Variants in NDUFAF6 observed in about 807,000 individuals in gnomAD.
The protein encoded by NDUFAF6 is NADH dehydrogenase (ubiquinone) complex I, assembly factor 6.
A neutral mutation model predicts 40.8 loss-of-function variants in NDUFAF6; 45 were observed. The ratio of observed to expected loss-of-function variants is 1.10; its 90% CI spans 0.87 to 1.42. NDUFAF6 has a LOEUF of 1.42. Among genes scored for constraint, NDUFAF6 ranks in the 40% most tolerant of loss-of-function variants. The pLI is 0.00. For synonymous variants in NDUFAF6, 185 were observed against 155.9 expected (o/e 1.19, Z -1.39); for missense variants, 435 against 418.5 (o/e 1.04, Z -0.34).
At chr8:94,897,021 A>G (rs1343393651) in intron 1 of NDUFAF6, among the ~76,000 whole-genome samples, 1 of 152,168 alleles carries the variant, frequency 6.6e-6, no homozygotes, top group Non-Finnish European at 1.5e-5. Context: ...GCAGTCACTC[A>G]AAACGCAGTT....
At chr8:94,909,373 A>G (rs1332412285) in intron 1 of NDUFAF6, among the ~76,000 whole-genome samples, 1 of 78,686 alleles carries the variant, frequency 1.3e-5, no homozygotes, top group Admixed American at 1.3e-4. Context: ...AAAAAAAAAA[A>G]AAAAAAAAAC....
rs190377430 is a variant in NDUFAF6 at position 94,947,405 on chromosome 8, C to T, written c.-799+1786C>T. ...ACGTACCGTCATTGAAAAGCAGCTT[C>T]AGAATTATCCTTCTTTTTATCCCAC... On this transcript the variant is annotated intron_variant, in intron 2 of 14. Coordinates refer to the NDUFAF6 transcript ENST00000396113. Among the ~76,000 whole-genome samples, 578 of 152,234 alleles carry T rather than the reference C, an allele frequency of 3.8e-3. 4 individuals are homozygous for T. The highest frequency in any genetic ancestry group is 0.013 in the African/African-American group (553 of 41,526).
At chr8:95,106,197 C>T (rs1809838659), downstream of NDUFAF6, among the ~76,000 whole-genome samples, 1 of 151,036 alleles carries the variant, frequency 6.6e-6, no homozygotes, top group Admixed American at 6.6e-5. Flanking sequence ...ATGGCGTGAA[C>T]ATGGGAGGCG....
chr8:94,940,852 T>C lies in NDUFAF6; in HGVS notation c.-935-4631T>C. 3 of 1,613,360 alleles carry C rather than the reference T, an allele frequency of 1.9e-6. No individual in the cohort carries two copies. In the South Asian group the frequency reaches 3.3e-5, roughly 18 times the overall value. On this transcript the variant is annotated intron_variant, in intron 1 of 14. Transcript: ENST00000396113. The stretch of plus-strand genomic sequence containing the variant: ...TACCTATGAAGTCAACAAGAATCCA[T>C]TCATCATCTTCTTTCTCATTGAATT...
intron 1 of NDUFAF6, chr8:94,930,843 G>T: frequency 8.3e-7 from 1 of 1,201,400 alleles, no homozygotes; most frequent in Non-Finnish European, 1.1e-6. Context: ...CTGAATGAGA[G>T]CTTGTGTTTC....
intron 2 of NDUFAF6, chr8:94,950,070 C>T (rs1473811990): frequency 1.3e-5 from 2 of 152,410 alleles, no homozygotes; most frequent in Middle Eastern, 3.4e-3. Context: ...GAGACCAGGC[C>T]TGAAGGCAGA....
chr8:94,905,048 C>A (rs9643350), intron 1 of NDUFAF6, among the ~76,000 whole-genome samples: 93,539 of 151,310 alleles, frequency 0.62, 29,579 homozygotes, highest in East Asian at 0.76. Context: ...AAAAACATAA[C>A]AATTATCTGG....
downstream of NDUFAF6, among the ~76,000 whole-genome samples, chr8:95,063,280 A>C (rs536931694): frequency 1.3e-5 from 2 of 152,010 alleles, no homozygotes; most frequent in South Asian, 4.1e-4. Flanking sequence ...TTATTTGATA[A>C]CTCTGTGGGT....
In NDUFAF6 at chr8:95,048,567, G is replaced by C. The variant is rs765407721; in HGVS notation, c.816+9G>C. 1.9e-6 allele frequency: 3 copies of C among 1,593,704 alleles called. No individual in the cohort carries two copies. Among genetic ancestry groups the C allele is most frequent in the Non-Finnish European group, 2.6e-6 (3 of 1,161,568 alleles). On this transcript the variant is annotated intron_variant, in intron 7 of 8. Coordinates refer to ENST00000396124, the MANE Select transcript of NDUFAF6 (RefSeq NM_152416.4). ...ACTTGCACCTAAAGCATGTAAGTCG[G>C]CTTTTTTTTGCCAAATCATTTAGGG...
chr8:94,999,408 TGCCACACCCA>T (rs1563780255), intron 2 of NDUFAF6, among the ~76,000 whole-genome samples: 1 of 146,126 alleles, frequency 6.8e-6, no homozygotes, highest in African/African-American at 2.5e-5. Flanking sequence ...AGGCGTGAGC[TGCCACACCCA>T]GCCTCTTTTT....
chr8:95,025,070 G>T lies in NDUFAF6; in HGVS notation c.62G>T (p.Cys21Phe). ...GPLRLGIPGL[C>F]CRRPPLGLYA... is the part of the protein sequence containing the mutation. The stretch of plus-strand genomic sequence containing the variant: ...TTGCGGCTTGGCATCCCCGGCCTGT[G>T]CTGCCGCCGGCCGCCTCTGGGTCTG... Residue 21 changes from cysteine (C) to phenylalanine (F), a missense_variant, in exon 1 of 9, where the codon TGC becomes TTC. By Grantham distance (205) the Cys-to-Phe change is radical (BLOSUM62 -2). Coordinates refer to ENST00000396124, the MANE Select transcript of NDUFAF6 (RefSeq NM_152416.4). 1 of 1,442,626 alleles carries T rather than the reference G, an allele frequency of 6.9e-7. No homozygotes were observed. The highest frequency in any genetic ancestry group is 1.4e-5 in the South Asian group (1 of 70,172). 89.4% of individuals were successfully genotyped at this position (1,442,626 alleles called of 1,614,324 possible). A position where few individuals can be genotyped will look rare whatever the true frequency, so the allele number is the denominator to read the frequency against.
chr8:94,954,594 A>G (rs548627782), upstream of NDUFAF6, among the ~76,000 whole-genome samples: 1 of 152,306 alleles, frequency 6.6e-6, no homozygotes, highest in East Asian at 1.9e-4. Flanking sequence ...AGGAGGTGGC[A>G]TTTGAGCATT....
At chr8:95,070,131 G>A (rs1209060961) in intron 9 of NDUFAF6, among the ~76,000 whole-genome samples, 15 of 152,088 alleles carry the variant, frequency 9.9e-5, no homozygotes, top group South Asian at 4.1e-4. Flanking sequence ...TATGGGACAA[G>A]AATGTGGTTC....
chr8:94,929,662 G>A (rs900287110), intron 1 of NDUFAF6: 1 of 152,190 alleles, frequency 6.6e-6, no homozygotes, highest in Non-Finnish European at 1.5e-5. Flanking sequence ...GGTGAGGAGT[G>A]GACAGAATTG....
At chr8:94,912,374 T>G (rs962628959) in intron 1 of NDUFAF6, among the ~76,000 whole-genome samples, 1 of 152,238 alleles carries the variant, frequency 6.6e-6, no homozygotes, top group African/African-American at 2.4e-5. Context: ...AATATGTATG[T>G]ATACAAAACC....
intron 1 of NDUFAF6, among the ~76,000 whole-genome samples, chr8:94,967,282 T>C (rs77017329): frequency 0.019 from 2,859 of 152,330 alleles, 81 homozygotes; most frequent in African/African-American, 0.065. Flanking sequence ...TTCTTGGATA[T>C]GCCCCTCTGT....
At chr8:95,054,435 G>A (rs1048595168) in intron 8 of NDUFAF6, among the ~76,000 whole-genome samples, 1 of 85,214 alleles carries the variant, frequency 1.2e-5, no homozygotes, top group African/African-American at 3.9e-5. Flanking sequence ...CTCAGCTTCT[G>A]CTTTTTTTTT....
At chr8:95,049,309 T>TAGTTG (rs1831171369) in intron 7 of NDUFAF6, among the ~76,000 whole-genome samples, 1 of 152,226 alleles carries the variant, frequency 6.6e-6, no homozygotes, top group African/African-American at 2.4e-5. Context: ...GGTTCCTGAT[T>TAGTTG]TCTCCTGCCT....
chr8:94,953,138 G>A (rs900388838), upstream of NDUFAF6, among the ~76,000 whole-genome samples: 4 of 152,004 alleles, frequency 2.6e-5, no homozygotes, highest in East Asian at 1.9e-4. Context: ...ACCTGAGGTC[G>A]GGAGTTCAAG....
Sources: allele counts gnomAD v4.1 joint callset (sites outside exome capture counted in the v4.1 genomes callset), GRCh38; gene constraint gnomAD v4.1.1; transcripts MANE v1.5; gene names NCBI Gene and HGNC (gene_info 2026-07-23, HGNC 2026-07-21).